Variants in MFSD11 observed in about 807,000 individuals in gnomAD.
MFSD11 encodes the protein UNC93-like protein MFSD11.
Under a neutral mutation model 53.5 loss-of-function variants are expected in MFSD11, and 36 were observed. That is an observed-to-expected ratio of 0.67 (90% CI 0.52 to 0.89). MFSD11 has a LOEUF of 0.89. Among genes scored for constraint, MFSD11 ranks in the 40% least tolerant of loss-of-function variants. MFSD11 has a pLI of 0.00. For missense variants in MFSD11, 530 were observed against 543.9 expected (o/e 0.97, Z 0.25); for synonymous variants, 186 against 184.9 (o/e 1.01, Z -0.05).
chr17:76,739,312 C>T (rs1260149844), intron 2 of MFSD11, among the ~76,000 whole-genome samples: 1 of 152,164 alleles, frequency 6.6e-6, no homozygotes, highest in African/African-American at 2.4e-5. Flanking sequence ...TGAATAAGCA[C>T]TCTAGTATTG....
At chr17:76,782,463 C>G (rs554112371), downstream of MFSD11, among the ~76,000 whole-genome samples, 125 of 145,940 alleles carry the variant, frequency 8.6e-4, 1 homozygote, top group Non-Finnish European at 1.5e-3. Context: ...GCGTGAGCCA[C>G]CGCGCCCAGG....
At chr17:76,794,499 A>G in the MFSD11 span, among the ~76,000 whole-genome samples, 3 of 140,830 alleles carry the variant, frequency 2.1e-5, no homozygotes, top group African/African-American at 8.1e-5. Context: ...AAAATTAGCC[A>G]GGCGTGGTGG....
chr17:76,737,288 C>G (rs1248490111), upstream of MFSD11: 10 of 1,312,524 alleles, frequency 7.6e-6, no homozygotes, highest in African/African-American at 4.5e-5. Context: ...TGCCGCAGAA[C>G]AGCACGGACG....
chr17:76,787,970 A>AT, the MFSD11 span, among the ~76,000 whole-genome samples: 1 of 148,386 alleles, frequency 6.7e-6, no homozygotes, highest in Non-Finnish European at 1.5e-5. Context: ...AAATACAAAT[A>AT]TTTTACCCCC....
intron 7 of MFSD11, among the ~76,000 whole-genome samples, chr17:76,750,766 G>C (rs2078987447): frequency 6.6e-6 from 1 of 151,124 alleles, no homozygotes; most frequent in Admixed American, 6.6e-5. Context: ...GCCATTTAGA[G>C]ATATAGGAGT....
intron 10 of MFSD11, among the ~76,000 whole-genome samples, chr17:76,773,836 G>A (rs1448903638): frequency 6.6e-6 from 1 of 152,114 alleles, no homozygotes; most frequent in Non-Finnish European, 1.5e-5. Flanking sequence ...TTGATCTCTT[G>A]ACCTCGTGAT....
At chr17:76,743,796 A>G (rs539246813) in intron 6 of MFSD11, among the ~76,000 whole-genome samples, 47 of 152,168 alleles carry the variant, frequency 3.1e-4, no homozygotes, top group African/African-American at 1.1e-3. Flanking sequence ...TTGTATTTTT[A>G]GTAGAGATGG....
At chr17:76,792,850 A>G in the MFSD11 span, among the ~76,000 whole-genome samples, 2 of 151,488 alleles carry the variant, frequency 1.3e-5, no homozygotes, top group Non-Finnish European at 2.9e-5. Context: ...GGGTTGAGAA[A>G]TAAAGGGACA....
downstream of MFSD11, among the ~76,000 whole-genome samples, chr17:76,782,474 CTTTTTTTTTT>C (rs33999736): frequency 2.6e-5 from 2 of 76,172 alleles, no homozygotes; most frequent in African/African-American, 5.5e-5. Flanking sequence ...CGCGCCCAGG[CTTTTTTTTTT>C]TTTTTTTTTT....
rs1452130009 is a variant in MFSD11 at position 76,767,384 on chromosome 17, A to G, written c.683-2A>G. 3.2e-6 allele frequency: 5 copies of G among 1,584,260 alleles called. No homozygotes were observed. Among genetic ancestry groups the G allele is most frequent in the Non-Finnish European group, 4.3e-6 (5 of 1,156,606 alleles). On this transcript the variant is annotated splice_acceptor_variant, in intron 8 of 12. Coordinates refer to ENST00000685175, the MANE Select transcript of MFSD11 (RefSeq NM_001242532.5). LOFTEE classifies it high-confidence loss of function. ...AGTACTCTTAAATTTTTGTGTTTAC[A>G]GAAAAGTCTTTTAAGTTATGTGTCA...
At position 76,778,324 on chromosome 17, in the gene MFSD11, C is replaced by T; in HGVS notation, c.1322C>T (p.Ala441Val). The change falls in exon 13 of 13, where the codon GCC becomes GTC. Residue 441 changes from alanine to valine, a missense_variant. Coordinates refer to ENST00000685175, the MANE Select transcript of MFSD11 (RefSeq NM_001242532.5). ...GAATGGGAAGCTGCCGCCTTTGTAG[C>T]CCGCGGCTCTGACTACCGAAGTATC... Reference protein sequence around the residue: ...TVEWEAAAFVARGSDYRSI With the variant: ...TVEWEAAAFVVRGSDYRSI The T allele has an allele frequency of 6.2e-7, 1 of 1,614,194 alleles. No homozygotes were observed. The highest frequency in any genetic ancestry group is 8.5e-7 in the Non-Finnish European group (1 of 1,180,042).
At chr17:76,764,894 A>G (rs1003962493) in intron 8 of MFSD11, among the ~76,000 whole-genome samples, 2 of 152,178 alleles carry the variant, frequency 1.3e-5, no homozygotes, top group African/African-American at 2.4e-5. Flanking sequence ...AATAGCGTAC[A>G]AGGGTTGTCT....
rs201402482 is a variant in MFSD11 at position 76,752,397 on chromosome 17, A to ATT, written c.642-1634_642-1633dup. The stretch of plus-strand genomic sequence containing the variant: ...TCTTGGTAAACTGGAAAAGTCAGGG[A>ATT]TTTTTTTTTTTTTTTTTGAGATGGA... On this transcript the variant is annotated intron_variant, in intron 7 of 12. Transcript: ENST00000685175. Among the ~76,000 whole-genome samples, 163 of 138,536 alleles carry ATT rather than the reference A, an allele frequency of 1.2e-3. 2 individuals are homozygous for ATT. The highest frequency in any genetic ancestry group is 3.9e-3 in the African/African-American group (149 of 37,768). 90.9% of individuals were successfully genotyped at this position (138,536 alleles called of 152,430 possible).
chr17:76,782,699 C>T (rs1334627656), downstream of MFSD11, among the ~76,000 whole-genome samples: 1 of 148,430 alleles, frequency 6.7e-6, no homozygotes, highest in Non-Finnish European at 1.5e-5. Flanking sequence ...AGGCTGGTCT[C>T]GAACTCTTGA....
downstream of MFSD11, among the ~76,000 whole-genome samples, chr17:76,785,060 A>G (rs1477486466): frequency 2.6e-5 from 4 of 152,244 alleles, no homozygotes; most frequent in Admixed American, 2.0e-4. Context: ...ATTACCTAAC[A>G]GTGGGAAAAT....
intron 9 of MFSD11, chr17:76,769,504 T>C (rs2081191539): frequency 3.1e-6 from 1 of 322,910 alleles, no homozygotes; most frequent in Non-Finnish European, 5.6e-6. Context: ...CATCATGTTT[T>C]GGGGAATTTG....
At chr17:76,758,576 G>C (rs116951961) in intron 8 of MFSD11, among the ~76,000 whole-genome samples, 5,024 of 124,658 alleles carry the variant, frequency 0.04, 152 homozygotes, top group East Asian at 0.12. Flanking sequence ...AGCGAGACCA[G>C]GTCTCAAAAA....
downstream of MFSD11, among the ~76,000 whole-genome samples, chr17:76,785,962 C>G (rs774944207): frequency 4.0e-5 from 6 of 150,166 alleles, no homozygotes; most frequent in African/African-American, 7.3e-5. Flanking sequence ...ACCTGTAATC[C>G]TACTTGGGAG....
chr17:76,768,292 A>G (rs905198198), intron 9 of MFSD11, among the ~76,000 whole-genome samples: 1 of 150,654 alleles, frequency 6.6e-6, no homozygotes, highest in Non-Finnish European at 1.5e-5. Context: ...CACGGGAGTA[A>G]AGACCTCCGT....
Sources: allele counts gnomAD v4.1 joint callset (sites outside exome capture counted in the v4.1 genomes callset), GRCh38; gene constraint gnomAD v4.1.1; transcripts MANE v1.5; gene names NCBI Gene and HGNC (gene_info 2026-07-23, HGNC 2026-07-21).